PRKCA: variants seen among roughly 807,000 people sequenced by gnomAD.
PRKCA encodes the protein protein kinase C alpha, also known as protein kinase C alpha type.
PRKCA carries 27 observed loss-of-function variants against 87.0 expected under a neutral mutation model. The observed-to-expected ratio is 0.31, with a 90% CI of 0.23 to 0.43. The LOEUF is 0.43. PRKCA is among the 20% of genes least tolerant of loss of function. PRKCA has a pLI of 1.00. For synonymous variants in PRKCA, 329 were observed against 311.1 expected (o/e 1.06, Z -0.61); for missense variants, 518 against 852.3 (o/e 0.61, Z 4.88).
At chr17:66,459,190 T>C (rs1364318100) in intron 2 of PRKCA, among the ~76,000 whole-genome samples, 2 of 147,348 alleles carry the variant, frequency 1.4e-5, no homozygotes, top group Admixed American at 1.4e-4. Flanking sequence ...CTGGGCCATC[T>C]GGCAAATCCC....
chr17:66,304,796 A>G (rs1307984729), intron 1 of PRKCA, among the ~76,000 whole-genome samples: 1 of 152,196 alleles, frequency 6.6e-6, no homozygotes, highest in Non-Finnish European at 1.5e-5. Context: ...ACTGTGCTCA[A>G]AGGAGTAGGT....
At chr17:66,572,186 G>A (rs1198457357) in intron 3 of PRKCA, among the ~76,000 whole-genome samples, 1 of 152,216 alleles carries the variant, frequency 6.6e-6, no homozygotes, top group Non-Finnish European at 1.5e-5. Flanking sequence ...AGAATATCAG[G>A]CTGGGCATGG....
Position 66,803,188 on chromosome 17 carries a change from A to G in PRKCA, c.1855-685A>G, listed in dbSNP as rs1975940491. Among the ~76,000 whole-genome samples the G allele has an allele frequency of 6.6e-6, 1 of 152,022 alleles. No homozygotes were observed. Among genetic ancestry groups the G allele is most frequent in the African/African-American group, 2.4e-5 (1 of 41,400 alleles). ...CCCTGCCTCCCCAGGGCGCCATGCA[A>G]ACATCCTCCAGCCTGAGACCACCCT... is the stretch of plus-strand genomic sequence containing the variant. On this transcript the variant is annotated intron_variant, in intron 16 of 16. Coordinates refer to ENST00000413366, the MANE Select transcript of PRKCA (RefSeq NM_002737.3). This position sits in a 1 kb window ranked among gnomAD's most constrained non-coding sequence, Gnocchi z 4.4.
intron 3 of PRKCA, among the ~76,000 whole-genome samples, chr17:66,549,946 AC>A (rs1201506992): frequency 6.6e-6 from 1 of 152,116 alleles, no homozygotes; most frequent in Non-Finnish European, 1.5e-5. Context: ...CTCGTCACAC[AC>A]CACTACCTCC....
chr17:66,385,097 G>A (rs1473142223), intron 2 of PRKCA, among the ~76,000 whole-genome samples: 2 of 152,172 alleles, frequency 1.3e-5, no homozygotes, highest in Admixed American at 1.3e-4. Flanking sequence ...TCTGGGTTGG[G>A]TGGTTGTGTA....
At chr17:66,638,669 A>T (rs1430764939) in intron 3 of PRKCA, among the ~76,000 whole-genome samples, 1 of 152,172 alleles carries the variant, frequency 6.6e-6, no homozygotes, top group African/African-American at 2.4e-5. Context: ...TAACAAAGTG[A>T]AACCCCGTCT....
intron 2 of PRKCA, among the ~76,000 whole-genome samples, chr17:66,308,181 A>G (rs1567764404): frequency 6.6e-6 from 1 of 152,196 alleles, no homozygotes; most frequent in African/African-American, 2.4e-5. Flanking sequence ...GATAGCCAGA[A>G]GTGTGTATGT....
intron 3 of PRKCA, among the ~76,000 whole-genome samples, chr17:66,621,281 T>G (rs1970673577): frequency 6.6e-6 from 1 of 152,232 alleles, no homozygotes; most frequent in Non-Finnish European, 1.5e-5. Context: ...AACACTGTAA[T>G]TCTTGGAATT....
chr17:66,564,402 T>G (rs2143335268), intron 3 of PRKCA, among the ~76,000 whole-genome samples: 1 of 152,254 alleles, frequency 6.6e-6, no homozygotes, highest in Middle Eastern at 3.4e-3. Context: ...TTAATGAGAC[T>G]ACTAGAAAAC....
At chr17:66,780,214 G>A (rs911740508) in intron 14 of PRKCA, among the ~76,000 whole-genome samples, 10 of 152,156 alleles carry the variant, frequency 6.6e-5, no homozygotes, top group Non-Finnish European at 2.9e-5. Flanking sequence ...AGTGATGAGG[G>A]TACATGCTGG....
intron 14 of PRKCA, chr17:66,778,123 C>T (rs1368427959): frequency 1.0e-6 from 1 of 985,274 alleles, no homozygotes; most frequent in African/African-American, 1.7e-5. Flanking sequence ...AATAGTTCTG[C>T]AAACTTTCTG....
intron 2 of PRKCA, among the ~76,000 whole-genome samples, chr17:66,309,231 A>G (rs1904973813): frequency 6.6e-6 from 1 of 152,212 alleles, no homozygotes; most frequent in South Asian, 2.1e-4. Flanking sequence ...TACTTAGTAA[A>G]TGGTGAGTAG....
chr17:66,479,998 TAAAAAA>T (rs5821521), intron 2 of PRKCA, among the ~76,000 whole-genome samples: 14 of 144,782 alleles, frequency 9.7e-5, no homozygotes, highest in African/African-American at 3.5e-4. Context: ...CCCCTGAACT[TAAAAAA>T]AAAAAAAAAC....
intron 3 of PRKCA, among the ~76,000 whole-genome samples, chr17:66,618,190 A>C (rs981676300): frequency 1.3e-5 from 2 of 152,072 alleles, no homozygotes; most frequent in African/African-American, 2.4e-5. Context: ...CCCCGTCTCT[A>C]CTAAAAATAC....
At chr17:66,342,736 G>A (rs953271318) in intron 2 of PRKCA, among the ~76,000 whole-genome samples, 2 of 151,976 alleles carry the variant, frequency 1.3e-5, no homozygotes, top group Non-Finnish European at 1.5e-5. Context: ...TAAAACAAAA[G>A]CATTGTTCAA....
chr17:66,704,747 C>T (rs1025916649), intron 8 of PRKCA, among the ~76,000 whole-genome samples: 6 of 152,164 alleles, frequency 3.9e-5, no homozygotes, highest in African/African-American at 1.4e-4. Flanking sequence ...TTGAGATTAT[C>T]CTTCTTACTA....
intron 2 of PRKCA, among the ~76,000 whole-genome samples, chr17:66,456,100 G>A (rs55930877): frequency 0.024 from 3,615 of 151,848 alleles, 84 homozygotes; most frequent in Non-Finnish European, 0.04. Context: ...TCTACAAACC[G>A]AGGAATGCCA....
chr17:66,303,568 T>TGTA (rs1302542338), intron 1 of PRKCA, among the ~76,000 whole-genome samples: 1 of 152,068 alleles, frequency 6.6e-6, no homozygotes, highest in African/African-American at 2.4e-5. Flanking sequence ...CCCTGCCTAC[T>TGTA]GTAGGCTGCA....
intron 2 of PRKCA, among the ~76,000 whole-genome samples, chr17:66,405,872 C>T (rs1911342500): frequency 6.6e-6 from 1 of 152,086 alleles, no homozygotes. Context: ...TGGACTCTGC[C>T]AAGTTTCTTG....
Sources: allele counts gnomAD v4.1 joint callset (sites outside exome capture counted in the v4.1 genomes callset), GRCh38; gene constraint gnomAD v4.1.1; non-coding constraint Gnocchi (gnomAD v3.1); transcripts MANE v1.5; gene names NCBI Gene and HGNC (gene_info 2026-07-23, HGNC 2026-07-21).